SPMIP11: variants seen among roughly 807,000 people sequenced by gnomAD.
The protein encoded by SPMIP11 is sperm microtubule inner protein 11, also known as long intergenic non-protein coding RNA 935.
chr12:48,749,992 A>G, the SPMIP11 span, among the ~76,000 whole-genome samples: 8 of 151,132 alleles, frequency 5.3e-5, no homozygotes, highest in South Asian at 6.4e-4. Context: ...CGCCCAGCCT[A>G]TCTCTGGATC....
chr12:48,765,113 T>C, the SPMIP11 span: 1 of 597,188 alleles, frequency 1.7e-6, no homozygotes. Flanking sequence ...ATTTGAGTCT[T>C]ACCAGAGAAA....
chr12:48,732,631 G>T, the SPMIP11 span, among the ~76,000 whole-genome samples: 1 of 151,948 alleles, frequency 6.6e-6, no homozygotes, highest in South Asian at 2.1e-4. Context: ...TTAGCTGGGT[G>T]TGGTGACGGA....
At chr12:48,770,703 A>G in the SPMIP11 span, 3 of 1,539,806 alleles carry the variant, frequency 1.9e-6, no homozygotes, top group Non-Finnish European at 2.7e-6. Context: ...TCCCCAGCCT[A>G]TAATCCCAGC....
At chr12:48,764,717 C>T in the SPMIP11 span, 6 of 601,342 alleles carry the variant, frequency 1.0e-5, no homozygotes, top group South Asian at 5.9e-5. Context: ...GGTGACCACA[C>T]TCCCAGGACC....
the SPMIP11 span, among the ~76,000 whole-genome samples, chr12:48,737,415 ATTTT>A: frequency 7.2e-6 from 1 of 139,206 alleles, no homozygotes; most frequent in African/African-American, 2.6e-5. Flanking sequence ...TTAATTTTTA[ATTTT>A]TTTTTTTTTT....
At chr12:48,728,572 A>G in the SPMIP11 span, among the ~76,000 whole-genome samples, 3 of 151,918 alleles carry the variant, frequency 2.0e-5, no homozygotes, top group Admixed American at 6.6e-5. Flanking sequence ...GCCGAGCGTG[A>G]TGGCGGGCGC....
the SPMIP11 span, among the ~76,000 whole-genome samples, chr12:48,739,844 A>G: frequency 1.1e-4 from 17 of 152,250 alleles, no homozygotes; most frequent in African/African-American, 4.1e-4. Context: ...AGGGACATAA[A>G]TCCAAACCAT....
the SPMIP11 span, among the ~76,000 whole-genome samples, chr12:48,731,682 C>G: frequency 1.3e-5 from 2 of 152,150 alleles, no homozygotes; most frequent in Non-Finnish European, 1.5e-5. Context: ...TCTACAACTT[C>G]AGAATAGTGT....
the SPMIP11 span, among the ~76,000 whole-genome samples, chr12:48,746,754 C>A: frequency 1.3e-5 from 2 of 151,648 alleles, no homozygotes. Flanking sequence ...AACCCTGTCT[C>A]TACTGAAAAT....
chr12:48,737,888 T>A, the SPMIP11 span, among the ~76,000 whole-genome samples: 2,048 of 152,220 alleles, frequency 0.013, 44 homozygotes, highest in African/African-American at 0.048. Flanking sequence ...AGTGGAACGA[T>A]CATGGCTCAT....
At chr12:48,739,940 A>G in the SPMIP11 span, among the ~76,000 whole-genome samples, 1 of 152,196 alleles carries the variant, frequency 6.6e-6, no homozygotes, top group Non-Finnish European at 1.5e-5. Flanking sequence ...AAACTTAGGT[A>G]ACAACATTCT....
chr12:48,771,277 GAGC>G, the SPMIP11 span: 1 of 490,040 alleles, frequency 2.0e-6, no homozygotes, highest in South Asian at 2.3e-5. The surrounding 1 kb of genome is among the most constrained non-coding windows in gnomAD (Gnocchi z 4.3). Flanking sequence ...GTCCCAGAGT[GAGC>G]AAGTGACTTC....
the SPMIP11 span, among the ~76,000 whole-genome samples, chr12:48,763,681 CTTT>C: frequency 9.5e-5 from 13 of 137,406 alleles, no homozygotes; most frequent in Admixed American, 5.9e-4. Flanking sequence ...AGTAAAAGTA[CTTT>C]TTTTTTTTTT....
At chr12:48,736,539 A>G in the SPMIP11 span, among the ~76,000 whole-genome samples, 1 of 152,070 alleles carries the variant, frequency 6.6e-6, no homozygotes, top group Admixed American at 6.6e-5. Context: ...TATTTTTTCA[A>G]TCACTCAAAA....
chr12:48,745,646 C>T, the SPMIP11 span, among the ~76,000 whole-genome samples: 3,386 of 152,280 alleles, frequency 0.022, 113 homozygotes, highest in African/African-American at 0.077. Context: ...AATCAAACTA[C>T]AGAAATATTA....
At chr12:48,734,727 C>T in the SPMIP11 span, among the ~76,000 whole-genome samples, 2 of 152,122 alleles carry the variant, frequency 1.3e-5, no homozygotes, top group Admixed American at 6.6e-5. Flanking sequence ...TTTGGCCAGG[C>T]GCAGTGGCTC....
At chr12:48,762,790 G>A in the SPMIP11 span, among the ~76,000 whole-genome samples, 1 of 152,294 alleles carries the variant, frequency 6.6e-6, no homozygotes, top group Admixed American at 6.5e-5. Context: ...TGATGGAACT[G>A]TTCTGTATCA....
At chr12:48,752,405 A>G in the SPMIP11 span, among the ~76,000 whole-genome samples, 2 of 152,178 alleles carry the variant, frequency 1.3e-5, no homozygotes, top group Non-Finnish European at 2.9e-5. Context: ...TACCCACAGA[A>G]GAGCACCCCG....
chr12:48,740,660 CTTT>C, the SPMIP11 span, among the ~76,000 whole-genome samples: 1 of 141,902 alleles, frequency 7.0e-6, no homozygotes, highest in African/African-American at 2.6e-5. Flanking sequence ...ACCTGGCCAA[CTTT>C]TTTTTTTTTT....
Sources: gnomAD v4.1 joint callset for allele counts (sites outside exome capture counted in the v4.1 genomes callset) on GRCh38, gnomAD v4.1.1 for gene constraint, Gnocchi (gnomAD v3.1) non-coding constraint, MANE v1.5 for transcripts, NCBI Gene and HGNC (gene_info 2026-07-23, HGNC 2026-07-21) for gene names.